Variants in CDH12 observed in about 807,000 individuals in gnomAD.
The protein encoded by CDH12 is cadherin-12.
A neutral mutation model predicts 74.1 loss-of-function variants in CDH12; 41 were observed. The ratio of observed to expected loss-of-function variants is 0.55; its 90% CI spans 0.43 to 0.72. The LOEUF is 0.72. Ranked by LOEUF, CDH12 falls within the 30% of genes least tolerant of loss-of-function variation. The pLI is 0.00. For missense variants in CDH12, 945 were observed against 977.2 expected (o/e 0.97, Z 0.44); for synonymous variants, 399 against 355.0 (o/e 1.12, Z -1.39).
chr5:22,624,908 C>A (rs1738200246), intron 1 of CDH12, among the ~76,000 whole-genome samples: 1 of 152,160 alleles, frequency 6.6e-6, no homozygotes, highest in Admixed American at 6.5e-5. Context: ...TTGGAACCAA[C>A]CCAAATGTCC....
At chr5:22,332,390 C>T (rs1228293053) in intron 3 of CDH12, among the ~76,000 whole-genome samples, 1 of 152,052 alleles carries the variant, frequency 6.6e-6, no homozygotes, top group Admixed American at 6.6e-5. Context: ...TACTTTTACC[C>T]TAGAATAGTA....
At chr5:22,420,138 A>G (rs1213217175) in intron 2 of CDH12, among the ~76,000 whole-genome samples, 1 of 152,008 alleles carries the variant, frequency 6.6e-6, no homozygotes, top group Non-Finnish European at 1.5e-5. Context: ...GTTCACTCTG[A>G]TGCTATTTTC....
chr5:21,892,277 G>A (rs897729860), intron 6 of CDH12, among the ~76,000 whole-genome samples: 2 of 152,108 alleles, frequency 1.3e-5, no homozygotes, highest in African/African-American at 2.4e-5. Context: ...TCATGTAGAT[G>A]TTCGGCAAGG....
At chr5:21,753,442 C>T (rs893844031) in intron 14 of CDH12, among the ~76,000 whole-genome samples, 1 of 152,136 alleles carries the variant, frequency 6.6e-6, no homozygotes, top group Non-Finnish European at 1.5e-5. Flanking sequence ...CTGCAGACCT[C>T]ATGGAGCAGC....
chr5:22,459,903 G>C (rs1745432043), intron 2 of CDH12, among the ~76,000 whole-genome samples: 1 of 151,118 alleles, frequency 6.6e-6, no homozygotes, highest in Admixed American at 6.6e-5. Context: ...GAGGCACGGA[G>C]GTTGCAGTGA....
At chr5:22,435,209 G>T (rs921545923) in intron 2 of CDH12, among the ~76,000 whole-genome samples, 3 of 152,060 alleles carry the variant, frequency 2.0e-5, no homozygotes, top group Non-Finnish European at 4.4e-5. Flanking sequence ...AATGTGAAAA[G>T]GCTACACTGG....
intron 5 of CDH12, among the ~76,000 whole-genome samples, chr5:22,008,674 T>C (rs1346747268): frequency 6.6e-6 from 1 of 152,216 alleles, no homozygotes; most frequent in East Asian, 1.9e-4. Flanking sequence ...TGGGAACTCA[T>C]TTCCATAGAA....
intron 4 of CDH12, among the ~76,000 whole-genome samples, chr5:22,082,515 G>C (rs1742811280): frequency 6.6e-6 from 1 of 152,254 alleles, no homozygotes; most frequent in East Asian, 1.9e-4. Flanking sequence ...AGTATATGGT[G>C]CAAAATTTCA....
intron 3 of CDH12, among the ~76,000 whole-genome samples, chr5:22,384,214 A>T (rs1741889452): frequency 6.6e-6 from 1 of 152,120 alleles, no homozygotes; most frequent in Admixed American, 6.6e-5. Flanking sequence ...GATAAATATT[A>T]AAAAATGTCC....
intron 5 of CDH12, among the ~76,000 whole-genome samples, chr5:22,069,528 A>G (rs1388348312): frequency 6.6e-6 from 1 of 152,132 alleles, no homozygotes; most frequent in African/African-American, 2.4e-5. Flanking sequence ...TTGCTTCTTG[A>G]CCCTATGGTG....
At chr5:22,186,678 C>T (rs914823335) in intron 4 of CDH12, among the ~76,000 whole-genome samples, 5 of 152,130 alleles carry the variant, frequency 3.3e-5, no homozygotes, top group African/African-American at 1.2e-4. Context: ...ACCACGTTGG[C>T]CAGTCTGGTC....
At chr5:22,257,215 T>A (rs1753348770) in intron 3 of CDH12, among the ~76,000 whole-genome samples, 1 of 152,146 alleles carries the variant, frequency 6.6e-6, no homozygotes, top group Non-Finnish European at 1.5e-5. Flanking sequence ...GTAAAATAAC[T>A]GTTGGGTACT....
rs559198874 is a variant in CDH12 at position 22,211,247 on chromosome 5, T to C, written c.-187+1251A>G. On this transcript the variant is annotated intron_variant, in intron 4 of 14. Transcript: ENST00000382254. The stretch of plus-strand genomic sequence containing the variant: ...TCTGAAAAGCACACTTGAGATACCA[T>C]TATAAATCTTTATACAAAAGCAGCT... Among the ~76,000 whole-genome samples, 10 of 152,266 alleles carry C rather than the reference T, an allele frequency of 6.6e-5. No individual in the cohort carries two copies. The East Asian group carries it at 1.9e-3, about 29-fold the overall frequency.
intron 5 of CDH12, among the ~76,000 whole-genome samples, chr5:22,044,833 C>G (rs1580162334): frequency 6.6e-6 from 1 of 152,242 alleles, no homozygotes; most frequent in Non-Finnish European, 1.5e-5. Context: ...AGGTTTGAAA[C>G]TATGAAACTA....
At chr5:22,266,577 A>C (rs1389285641) in intron 3 of CDH12, among the ~76,000 whole-genome samples, 2 of 152,082 alleles carry the variant, frequency 1.3e-5, no homozygotes, top group African/African-American at 2.4e-5. Context: ...ATCCATTTTT[A>C]GGGTAGGAAA....
intron 1 of CDH12, among the ~76,000 whole-genome samples, chr5:22,772,806 T>C (rs1005104701): frequency 2.0e-5 from 3 of 152,102 alleles, no homozygotes; most frequent in African/African-American, 7.2e-5. Flanking sequence ...CTTCCTTTGG[T>C]ACTAAGAAGG....
At chr5:22,193,330 A>T (rs1330853380) in intron 4 of CDH12, among the ~76,000 whole-genome samples, 1 of 152,240 alleles carries the variant, frequency 6.6e-6, no homozygotes, top group Non-Finnish European at 1.5e-5. Context: ...TAATGACATA[A>T]CTTTGTTAAA....
At chr5:22,127,478 GAA>G (rs778116731) in intron 4 of CDH12, among the ~76,000 whole-genome samples, 6 of 106,768 alleles carry the variant, frequency 5.6e-5, no homozygotes, top group Admixed American at 2.1e-4. Context: ...ACTCCATCTC[GAA>G]AAAAAAAAAA....
At chr5:22,644,323 G>C (rs1739321625) in intron 1 of CDH12, among the ~76,000 whole-genome samples, 1 of 152,038 alleles carries the variant, frequency 6.6e-6, no homozygotes, top group African/African-American at 2.4e-5. Context: ...CTACTCTAGT[G>C]AACACATGAG....
Sources: allele counts gnomAD v4.1 joint callset (sites outside exome capture counted in the v4.1 genomes callset), GRCh38; gene constraint gnomAD v4.1.1; transcripts MANE v1.5; gene names NCBI Gene and HGNC (gene_info 2026-07-23, HGNC 2026-07-21).